The following HPSE2 variants were observed in gnomAD, a reference collection of about 807,000 sequenced individuals.
HPSE2 encodes the protein heparanase 2 (inactive).
HPSE2 carries 38 observed loss-of-function variants against 60.5 expected under a neutral mutation model. That is an observed-to-expected ratio of 0.63 (90% CI 0.48 to 0.82). HPSE2 has a LOEUF of 0.82. HPSE2 is among the 40% of genes least tolerant of loss of function. The pLI is 0.00. For missense variants in HPSE2, 713 were observed against 740.4 expected, an observed-to-expected ratio of 0.96 and a Z score of 0.43; for synonymous variants, 295 against 293.2, an observed-to-expected ratio of 1.01 and a Z score of -0.06.
intron 3 of HPSE2, among the ~76,000 whole-genome samples, chr10:98,995,933 T>C (rs2135356307): frequency 6.6e-6 from 1 of 152,292 alleles, no homozygotes; most frequent in South Asian, 2.1e-4. Flanking sequence ...CAATGTGGTA[T>C]CCTGGACTGG....
At chr10:99,202,901 C>T (rs1037978621) in intron 2 of HPSE2, among the ~76,000 whole-genome samples, 2 of 152,102 alleles carry the variant, frequency 1.3e-5, no homozygotes, top group African/African-American at 2.4e-5. Context: ...ACCCCTCCTC[C>T]GACTCTAGGC....
chr10:99,284,045 CT>C, the HPSE2 span, among the ~76,000 whole-genome samples: 1 of 152,148 alleles, frequency 6.6e-6, no homozygotes, highest in Non-Finnish European at 1.5e-5. Context: ...CACCATTACC[CT>C]GTTATCAAAG....
chr10:98,856,812 C>T (rs1952327421), intron 3 of HPSE2, among the ~76,000 whole-genome samples: 1 of 152,064 alleles, frequency 6.6e-6, no homozygotes, highest in African/African-American at 2.4e-5. Context: ...CACATGTAGT[C>T]ATTCATTATG....
At chr10:98,745,623 C>T (rs757551527) in intron 3 of HPSE2, among the ~76,000 whole-genome samples, 7 of 152,196 alleles carry the variant, frequency 4.6e-5, no homozygotes, top group Non-Finnish European at 8.8e-5. Flanking sequence ...CTTTGCTCTC[C>T]TTATTTGTCA....
chr10:99,272,532 A>G, the HPSE2 span, among the ~76,000 whole-genome samples: 1 of 152,184 alleles, frequency 6.6e-6, no homozygotes, highest in Middle Eastern at 3.2e-3. Context: ...TACATCTGAC[A>G]AAGGACTGAT....
intron 9 of HPSE2, among the ~76,000 whole-genome samples, chr10:98,551,945 AT>A (rs1309049685): frequency 6.6e-6 from 1 of 152,170 alleles, no homozygotes. Flanking sequence ...AGGAATCTTT[AT>A]CATTAATACA....
At chr10:98,776,830 G>C (rs1950351251) in intron 3 of HPSE2, among the ~76,000 whole-genome samples, 1 of 151,686 alleles carries the variant, frequency 6.6e-6, no homozygotes, top group East Asian at 1.9e-4. Flanking sequence ...ATGAATATTG[G>C]GTTTCTTAGG....
At chr10:98,546,931 C>A (rs1943698884) in intron 9 of HPSE2, among the ~76,000 whole-genome samples, 1 of 149,202 alleles carries the variant, frequency 6.7e-6, no homozygotes, top group African/African-American at 2.5e-5. Flanking sequence ...TATCCAGAAT[C>A]TACAATGAAC....
intron 2 of HPSE2, among the ~76,000 whole-genome samples, chr10:99,193,207 T>G (rs1043563175): frequency 6.6e-6 from 1 of 152,088 alleles, no homozygotes; most frequent in Non-Finnish European, 1.5e-5. Flanking sequence ...TGTTAAACTG[T>G]CATCAGTTTA....
At chr10:99,279,625 T>G in the HPSE2 span, among the ~76,000 whole-genome samples, 1 of 152,230 alleles carries the variant, frequency 6.6e-6, no homozygotes. Context: ...ACTCCATAAG[T>G]AAATATGAAT....
At chr10:99,099,686 A>T (rs994578937) in intron 3 of HPSE2, among the ~76,000 whole-genome samples, 2 of 152,210 alleles carry the variant, frequency 1.3e-5, no homozygotes, top group South Asian at 2.1e-4. Flanking sequence ...GAACAGACAG[A>T]CTGCCTCCTC....
chr10:99,225,457 A>G (rs530400964), intron 2 of HPSE2, among the ~76,000 whole-genome samples: 61 of 152,236 alleles, frequency 4.0e-4, no homozygotes, highest in African/African-American at 1.4e-3. Flanking sequence ...ACTAGCCTAC[A>G]TTTACTCTAC....
intron 9 of HPSE2, among the ~76,000 whole-genome samples, chr10:98,603,022 T>C (rs1334610324): frequency 6.6e-6 from 1 of 152,236 alleles, no homozygotes; most frequent in Non-Finnish European, 1.5e-5. Context: ...GGACTTCTGG[T>C]TTCCACTTCC....
intron 3 of HPSE2, among the ~76,000 whole-genome samples, chr10:99,085,387 A>C (rs1843282831): frequency 6.6e-6 from 1 of 152,244 alleles, no homozygotes; most frequent in African/African-American, 2.4e-5. Context: ...GGCTAGCTGC[A>C]TGCCTGTGCT....
At chr10:98,726,806 C>G (rs904498941) in intron 4 of HPSE2, among the ~76,000 whole-genome samples, 3 of 151,902 alleles carry the variant, frequency 2.0e-5, no homozygotes, top group Admixed American at 2.0e-4. Flanking sequence ...TAGGAGGATT[C>G]CTAGCTATCC....
At chr10:99,168,400 A>G (rs1847171271) in intron 2 of HPSE2, among the ~76,000 whole-genome samples, 1 of 152,186 alleles carries the variant, frequency 6.6e-6, no homozygotes, top group Non-Finnish European at 1.5e-5. Context: ...GTTTTGGTAT[A>G]TGGAGCTTCA....
intron 4 of HPSE2, among the ~76,000 whole-genome samples, chr10:98,726,630 TATAATAATA>T (rs35016961): frequency 0.15 from 21,789 of 143,522 alleles, 1,904 homozygotes; most frequent in Admixed American, 0.23. Context: ...AAACTTAAAG[TATAATAATA>T]ATAATAATAA....
chr10:99,266,981 G>A, the HPSE2 span, among the ~76,000 whole-genome samples: 1 of 152,120 alleles, frequency 6.6e-6, no homozygotes, highest in African/African-American at 2.4e-5. Flanking sequence ...CACCCCATGG[G>A]ACAAAAGAAT....
intron 3 of HPSE2, among the ~76,000 whole-genome samples, chr10:99,139,086 A>T (rs1845769962): frequency 6.6e-6 from 1 of 152,220 alleles, no homozygotes; most frequent in South Asian, 2.1e-4. Flanking sequence ...CATATATACC[A>T]TGAAATACTA....
Sources: gnomAD v4.1 joint callset for allele counts (sites outside exome capture counted in the v4.1 genomes callset) on GRCh38, gnomAD v4.1.1 for gene constraint, MANE v1.5 for transcripts, NCBI Gene and HGNC (gene_info 2026-07-23, HGNC 2026-07-21) for gene names.